IPPK: variants seen among roughly 807,000 people sequenced by gnomAD.
IPPK encodes IPK1 homolog.
A neutral mutation model predicts 64.6 loss-of-function variants in IPPK; 22 were observed. The ratio of observed to expected loss-of-function variants is 0.34; its 90% CI spans 0.24 to 0.49. The LOEUF (loss-of-function observed/expected upper bound fraction) is 0.49, where lower values mean the gene tolerates loss of function less well. Among genes scored for constraint, IPPK ranks in the 20% least tolerant of loss-of-function variants. The probability of loss-of-function intolerance (pLI) is 0.99; values close to 1 mark genes in which losing one functional copy is unlikely to be tolerated. For synonymous variants in IPPK, 262 were observed against 247.2 expected (o/e 1.06, Z -0.56); for missense variants, 532 against 630.7 (o/e 0.84, Z 1.68).
intron 4 of IPPK, among the ~76,000 whole-genome samples, chr9:92,651,362 G>A (rs1436607131): frequency 6.6e-6 from 1 of 152,190 alleles, no homozygotes; most frequent in East Asian, 1.9e-4. Context: ...CTGTCATAAG[G>A]CCACCAGCAA....
In IPPK at chr9:92,626,643, GA is replaced by G. The variant is rs529336746; in HGVS notation, c.1171-7079del. On this transcript the variant is annotated intron_variant, in intron 11 of 12. Coordinates refer to ENST00000287996, the MANE Select transcript of IPPK (RefSeq NM_022755.6). ...GAAGTGAATATGATAATGGAGAAGA[GA>G]AAATATTTGAGAAAATGAGAATTTT... Among the ~76,000 whole-genome samples, 11 of 152,224 alleles carry G rather than the reference GA, an allele frequency of 7.2e-5. No homozygotes were observed. The South Asian group carries it at 2.3e-3, about 32-fold the overall frequency.
Position 92,638,222 on chromosome 9 carries a change from T to C in IPPK, c.695A>G (p.Glu232Gly), listed in dbSNP as rs1034532346. 3 of 1,614,070 alleles carry C rather than the reference T, an allele frequency of 1.9e-6. No individual in the cohort carries two copies. The African/African-American group carries it at 4.0e-5, about 22-fold the overall frequency. The change falls in exon 9 of 13, where the codon GAG becomes GGG. Residue 232 changes from glutamate (E) to glycine (G), a missense_variant. Transcript: ENST00000287996. ...DARSPVADWSELAHHLKPFFF... is the reference protein window; with the variant it reads ...DARSPVADWSGLAHHLKPFFF... ...GAACGGCTTCAGGTGGTGTGCAAGC[T>C]CGCTCCAGTCAGCCACGGGGCTCCG...
intron 1 of IPPK, among the ~76,000 whole-genome samples, chr9:92,661,746 C>T (rs750861273): frequency 2.0e-5 from 3 of 152,230 alleles, no homozygotes; most frequent in Admixed American, 1.3e-4. Context: ...CCAGGGGAAC[C>T]GTAGTCTCAG....
At position 92,656,183 on chromosome 9, in the gene IPPK, GC is replaced by G. The variant is rs1852368766; in HGVS notation, c.225+272del. Among the ~76,000 whole-genome samples, 3 of 152,198 alleles carry G rather than the reference GC, an allele frequency of 2.0e-5. No individual in the cohort carries two copies. In the South Asian group the frequency reaches 6.2e-4, roughly 32 times the overall value. On this transcript the variant is annotated intron_variant, in intron 3 of 12. Transcript: ENST00000287996. ...ATTGCTTGAGGGGCATTGCTCAAGAGCCCTCACCCAGCAGGAGCCTTCAGGA... is the reference window on the plus strand; with the variant it reads ...ATTGCTTGAGGGGCATTGCTCAAGAGCCTCACCCAGCAGGAGCCTTCAGGA...
At position 92,652,637 on chromosome 9, in the gene IPPK, C is replaced by G; in HGVS notation, c.228G>C (p.Glu76Asp). 1 of 1,553,070 alleles carries G rather than the reference C, an allele frequency of 6.4e-7. No individual in the cohort carries two copies. Among genetic ancestry groups the G allele is most frequent in the Non-Finnish European group, 8.8e-7 (1 of 1,135,472 alleles). ...FLGENYVHYG[E>D]VVQLPLEFVK... is the part of the protein sequence containing the mutation. Reference sequence around the variant, plus strand: ...CAAACTCTAAAGGTAGCTGAACGACCTCCTGTAAGAAAATACATGAAATTC... The same window carrying G: ...CAAACTCTAAAGGTAGCTGAACGACGTCCTGTAAGAAAATACATGAAATTC... Residue 76 changes from glutamate (E) to aspartate (D), a missense_variant and splice_region_variant, in exon 4 of 13, where the codon GAG (glutamate) becomes GAC (aspartate). Physicochemically the swap from Glu to Asp is conservative, Grantham distance 45 (BLOSUM62 2). Coordinates refer to ENST00000287996, the MANE Select transcript of IPPK (RefSeq NM_022755.6).
Position 92,615,719 on chromosome 9 carries a change from G to T in IPPK, c.*113C>A. 2.5e-6 allele frequency: 2 copies of T among 786,686 alleles called. No individual in the cohort carries two copies. The highest frequency in any genetic ancestry group is 2.1e-6 in the Non-Finnish European group (1 of 479,004). 48.7% of individuals were successfully genotyped at this position (786,686 alleles called of 1,614,324 possible). ...TCCAAGAGGCAATCCCACCTCAAAAGGGGTTAAAAGCAAAAACATTCACAA... is the reference window on the plus strand; with the variant it reads ...TCCAAGAGGCAATCCCACCTCAAAATGGGTTAAAAGCAAAAACATTCACAA... On this transcript the variant is annotated 3_prime_UTR_variant, in exon 13 of 13. Transcript: ENST00000287996.
chr9:92,624,679 T>C (rs555215017), intron 11 of IPPK, among the ~76,000 whole-genome samples: 2 of 152,230 alleles, frequency 1.3e-5, no homozygotes, highest in South Asian at 4.1e-4. Context: ...CTCATCGTTA[T>C]GATAAAACAA....
intron 11 of IPPK, 117 bp from the exon 12 acceptor site, chr9:92,619,682 G>A (rs1373255473): frequency 2.1e-6 from 2 of 944,716 alleles, no homozygotes; most frequent in Non-Finnish European, 3.3e-6. Context: ...ACCTGAGGGT[G>A]GGATTAGGAG....
At chr9:92,656,728 C>G (rs777839719) in intron 2 of IPPK, among the ~76,000 whole-genome samples, 177 bp from the exon 3 acceptor site, 4 of 152,266 alleles carry the variant, frequency 2.6e-5, no homozygotes, top group South Asian at 4.1e-4. Flanking sequence ...TGCCCTTCCT[C>G]ACCAGCGTCC....
chr9:92,627,983 C>T (rs1001945046), intron 11 of IPPK, among the ~76,000 whole-genome samples: 18 of 152,258 alleles, frequency 1.2e-4, no homozygotes, highest in African/African-American at 3.6e-4. Flanking sequence ...CATACAAACT[C>T]GGCAACGATG....
At chr9:92,665,940 A>C (rs967269553) in intron 1 of IPPK, among the ~76,000 whole-genome samples, 1 of 152,174 alleles carries the variant, frequency 6.6e-6, no homozygotes, top group Non-Finnish European at 1.5e-5. Context: ...AAATATCCCA[A>C]GCACTAAACA....
chr9:92,625,218 T>C lies in IPPK; in HGVS notation c.1171-5653A>G, dbSNP rs1463037011. 2.0e-5 allele frequency among the ~76,000 whole-genome samples: 3 copies of C among 152,236 alleles called. No homozygotes were observed. The East Asian group carries it at 5.8e-4, about 29-fold the overall frequency. The stretch of plus-strand genomic sequence containing the variant: ...TTAATGAAGCAAAAGTTTAGAAAAT[T>C]AAAATAAAACATTTAAATATTAGTA... On this transcript the variant is annotated intron_variant, in intron 11 of 12. Transcript: ENST00000287996.
At chr9:92,624,414 G>A (rs1012702530) in intron 11 of IPPK, among the ~76,000 whole-genome samples, 1 of 151,674 alleles carries the variant, frequency 6.6e-6, no homozygotes, top group Admixed American at 6.6e-5. Flanking sequence ...AGCCAAGATC[G>A]CACCACTGCA....
chr9:92,661,203 A>C (rs1587645277), intron 1 of IPPK, among the ~76,000 whole-genome samples: 1 of 152,222 alleles, frequency 6.6e-6, no homozygotes, highest in East Asian at 1.9e-4. Flanking sequence ...GCACAAGGGC[A>C]GATCAGGTCT....
intron 3 of IPPK, among the ~76,000 whole-genome samples, chr9:92,653,752 G>A (rs1852315419): frequency 6.6e-6 from 1 of 152,220 alleles, no homozygotes; most frequent in African/African-American, 2.4e-5. Context: ...AGGAAGCTGA[G>A]GCAGGAGAAT....
intron 11 of IPPK, among the ~76,000 whole-genome samples, chr9:92,630,806 G>A (rs908355250): frequency 3.3e-5 from 5 of 152,118 alleles, no homozygotes; most frequent in Non-Finnish European, 7.4e-5. Flanking sequence ...CTTTAAATAT[G>A]CAGGATCAAA....
intron 2 of IPPK, among the ~76,000 whole-genome samples, chr9:92,658,071 T>G (rs1852408365): frequency 6.6e-6 from 1 of 152,072 alleles, no homozygotes; most frequent in Admixed American, 6.5e-5. Flanking sequence ...GCAGGAAGCC[T>G]CCGCGACTCG....
At chr9:92,618,190 TCTC>T (rs1472558546) in intron 12 of IPPK, 3 of 455,764 alleles carry the variant, frequency 6.6e-6, no homozygotes. Context: ...TCTGAGATCC[TCTC>T]CTTTTGTTGA....
chr9:92,651,020 A>G (rs1587638789), intron 4 of IPPK, among the ~76,000 whole-genome samples: 1 of 152,018 alleles, frequency 6.6e-6, no homozygotes, highest in Non-Finnish European at 1.5e-5. Context: ...TGGCAGGCTG[A>G]GCAGCAGAGC....
Sources: gnomAD v4.1 joint callset for allele counts (sites outside exome capture counted in the v4.1 genomes callset) on GRCh38, gnomAD v4.1.1 for gene constraint, MANE v1.5 for transcripts, NCBI Gene and HGNC (gene_info 2026-07-23, HGNC 2026-07-21) for gene names.